CHID1: variants seen among roughly 807,000 people sequenced by gnomAD.
The protein encoded by CHID1 is chitinase domain containing 1, also known as chitinase domain-containing protein 1.
Under a neutral mutation model 55.4 loss-of-function variants are expected in CHID1, and 44 were observed. That is an observed-to-expected ratio of 0.79 (90% CI 0.62 to 1.02). The LOEUF (loss-of-function observed/expected upper bound fraction) is 1.02, where lower values mean the gene tolerates loss of function less well. Ranked by LOEUF, CHID1 falls within the 50% of genes least tolerant of loss-of-function variation. The pLI, the probability that CHID1 is intolerant of heterozygous loss-of-function variation, is 0.00. For synonymous variants in CHID1, 216 were observed against 212.9 expected (o/e 1.01, Z -0.13); for missense variants, 491 against 515.3 (o/e 0.95, Z 0.46).
chr11:913,874 G>A (rs1174653789), upstream of CHID1, among the ~76,000 whole-genome samples: 1 of 152,096 alleles, frequency 6.6e-6, no homozygotes, highest in African/African-American at 2.4e-5. Flanking sequence ...AAACCAGTCT[G>A]GGCAACATGG....
At position 869,763 on chromosome 11, in the gene CHID1, C is replaced by G. The variant is rs1849036365; in HGVS notation, c.*95G>C. On this transcript the variant is annotated 3_prime_UTR_variant, in exon 13 of 13. Transcript: ENST00000323578. ...CGACTGAGGACTGCAGCAGACCCGT[C>G]ACAGCAAACGGAGTGGAGGCCTGTA... 2.7e-6 allele frequency: 3 copies of G among 1,130,990 alleles called. No homozygotes were observed. The East Asian group carries it at 7.1e-5, about 27-fold the overall frequency. 70.1% of individuals were successfully genotyped at this position (1,130,990 alleles called of 1,614,324 possible).
intron 9 of CHID1, among the ~76,000 whole-genome samples, chr11:883,513 G>C (rs927592087): frequency 6.6e-6 from 1 of 152,308 alleles, no homozygotes; most frequent in Admixed American, 6.5e-5. Context: ...TCACCCATCA[G>C]AAAGGGCTGT....
chr11:890,645 A>C (rs1850739890), intron 8 of CHID1, among the ~76,000 whole-genome samples: 1 of 152,184 alleles, frequency 6.6e-6, no homozygotes, highest in African/African-American at 2.4e-5. Flanking sequence ...TTCTGCTCCC[A>C]TGTTAAGGAT....
At chr11:913,365 C>G (rs182442295), upstream of CHID1, among the ~76,000 whole-genome samples, 1 of 152,232 alleles carries the variant, frequency 6.6e-6, no homozygotes, top group African/African-American at 2.4e-5. Flanking sequence ...ATTCAGACAA[C>G]CTAAAGCACG....
In CHID1 at chr11:870,467, C is replaced by T. The variant is rs1127800; in HGVS notation, c.992G>A (p.Arg331Gln). The T allele has an allele frequency of 0.069, 110,922 of 1,608,704 alleles. 4,495 individuals carry two copies. Among genetic ancestry groups the T allele is most frequent in the Middle Eastern group, 0.097 (563 of 5,828 alleles). ...TGAGGCCTGGCTGTCCCACACCATCCGGGGCCTGTGGTCCTTCAGTGTCTG... is the reference window on the plus strand; with the variant it reads ...TGAGGCCTGGCTGTCCCACACCATCTGGGGCCTGTGGTCCTTCAGTGTCTG... ...YIQTLKDHRPRMVWDSQASEH... is the reference protein window; with the variant it reads ...YIQTLKDHRPQMVWDSQASEH... The change falls in exon 11 of 13, where the codon CGG (arginine) becomes CAG (glutamine). Residue 331 changes from arginine to glutamine, a missense_variant. Transcript: ENST00000323578.
chr11:874,056 G>A (rs1010959373), intron 10 of CHID1, among the ~76,000 whole-genome samples: 5 of 152,146 alleles, frequency 3.3e-5, no homozygotes, highest in African/African-American at 9.7e-5. Context: ...GTCACCCCAC[G>A]GAGACCAGCT....
Position 900,929 on chromosome 11 carries a change from C to T in CHID1, c.439+7G>A. 1 of 1,599,916 alleles carries T rather than the reference C, an allele frequency of 6.3e-7. No homozygotes were observed. Among genetic ancestry groups the T allele is most frequent in the South Asian group, 1.1e-5 (1 of 88,858 alleles). ...CAGGGCCTCCACTCCTGGCCTGCCGCACTTACCTATGTGCAGGCCCTTGGC... is the reference window on the plus strand; with the variant it reads ...CAGGGCCTCCACTCCTGGCCTGCCGTACTTACCTATGTGCAGGCCCTTGGC... On this transcript the variant is annotated splice_region_variant and intron_variant, in intron 5 of 12. Transcript: ENST00000323578.
chr11:883,975 G>A (rs1026677026), intron 9 of CHID1, 93 bp downstream of exon 9: 11 of 968,242 alleles, frequency 1.1e-5, no homozygotes, highest in Non-Finnish European at 1.6e-5. Context: ...CAGGCAAGAG[G>A]GCATCAGCTG....
At chr11:893,610 G>T in intron 7 of CHID1, 91 bp from the exon 8 acceptor site, 2 of 1,053,742 alleles carry the variant, frequency 1.9e-6, no homozygotes, top group Non-Finnish European at 2.8e-6. Flanking sequence ...GAGGGGTGGG[G>T]CTGGTCCCCA....
chr11:883,307 C>A lies in CHID1; in HGVS notation c.804-4G>T. The A allele has an allele frequency of 6.2e-7, 1 of 1,608,884 alleles. No individual in the cohort carries two copies. The highest frequency in any genetic ancestry group is 8.5e-7 in the Non-Finnish European group (1 of 1,176,192). On this transcript the variant is annotated splice_region_variant and splice_polypyrimidine_tract_variant and intron_variant, in intron 9 of 12. Transcript: ENST00000323578. ...CAGGGGTGCATTAGGGCCAGGCCTG[C>A]AGGGCAAGGGGTGAGCGAGTTTCAG... is the stretch of plus-strand genomic sequence containing the variant.
At chr11:914,238 T>C (rs553953019), upstream of CHID1, 17 of 169,400 alleles carry the variant, frequency 1.0e-4, no homozygotes, top group South Asian at 1.9e-3. Context: ...TTAATATAAA[T>C]CCAAGCATAA....
intron 10 of CHID1, among the ~76,000 whole-genome samples, chr11:872,490 G>C (rs1034946009): frequency 3.3e-5 from 5 of 152,144 alleles, no homozygotes; most frequent in African/African-American, 9.7e-5. Flanking sequence ...GGCAGCAGTG[G>C]CTGGCAGCTC....
chr11:901,023 C>T, intron 4 of CHID1, 43 bp from the exon 5 acceptor site: 1 of 1,554,582 alleles, frequency 6.4e-7, no homozygotes. Flanking sequence ...CACGTGCGCC[C>T]AACTGGAAGA....
At chr11:899,106 G>T (rs905081531) in intron 7 of CHID1, among the ~76,000 whole-genome samples, 3 of 152,218 alleles carry the variant, frequency 2.0e-5, no homozygotes, top group Non-Finnish European at 4.4e-5. Context: ...CAATGCGCTC[G>T]GAGCCGGCTG....
At chr11:892,021 T>C (rs1589862070) in intron 8 of CHID1, among the ~76,000 whole-genome samples, 1 of 136,032 alleles carries the variant, frequency 7.4e-6, no homozygotes, top group Admixed American at 7.5e-5. Context: ...GAGGCTGAGG[T>C]GGGGGATCAC....
chr11:883,862 G>A (rs892447831), intron 9 of CHID1, among the ~76,000 whole-genome samples: 2 of 152,228 alleles, frequency 1.3e-5, no homozygotes, highest in African/African-American at 4.8e-5. Flanking sequence ...CAGAGGCAGG[G>A]CCCCACCCAC....
At chr11:887,560 C>A (rs117854409) in intron 8 of CHID1, among the ~76,000 whole-genome samples, 1 of 152,194 alleles carries the variant, frequency 6.6e-6, no homozygotes, top group Non-Finnish European at 1.5e-5. Flanking sequence ...GCCTTTGCTG[C>A]CCCTAGGACC....
intron 7 of CHID1, among the ~76,000 whole-genome samples, chr11:898,351 G>T (rs1851533121): frequency 6.6e-6 from 1 of 152,214 alleles, no homozygotes; most frequent in African/African-American, 2.4e-5. Flanking sequence ...TACTTCAGGT[G>T]GTGGGGGCGG....
chr11:914,438 G>A (rs927538907), upstream of CHID1: 48 of 996,392 alleles, frequency 4.8e-5, no homozygotes, highest in South Asian at 3.2e-4. Flanking sequence ...TAGGGCAGGG[G>A]CAGGCCGGTG....
Sources: gnomAD v4.1 joint callset for allele counts (sites outside exome capture counted in the v4.1 genomes callset) on GRCh38, gnomAD v4.1.1 for gene constraint, MANE v1.5 for transcripts, NCBI Gene and HGNC (gene_info 2026-07-23, HGNC 2026-07-21) for gene names.